The following NIBAN1 variants were observed in gnomAD, a reference collection of about 807,000 sequenced individuals.
NIBAN1 encodes protein Niban 1.
A neutral mutation model predicts 75.1 loss-of-function variants in NIBAN1; 81 were observed. The ratio of observed to expected loss-of-function variants is 1.08; its 90% CI spans 0.90 to 1.30. NIBAN1 has a LOEUF of 1.30. Ranked by LOEUF, NIBAN1 falls within the 50% of genes most tolerant of loss-of-function variation. NIBAN1 has a pLI of 0.00. For missense variants in NIBAN1, 1,133 were observed against 1,128.1 expected (o/e 1.00, Z -0.06); for synonymous variants, 436 against 424.8 (o/e 1.03, Z -0.32).
At chr1:184,928,339 T>C (rs2102028310) in intron 1 of NIBAN1, among the ~76,000 whole-genome samples, 1 of 152,208 alleles carries the variant, frequency 6.6e-6, no homozygotes, top group East Asian at 1.9e-4. Flanking sequence ...AGCACTCCCT[T>C]GGCCACCCCA....
rs575307344 is a variant in NIBAN1 at position 184,859,406 on chromosome 1, C to T, written c.601+25227G>A. Among the ~76,000 whole-genome samples, 31 of 152,238 alleles carry T rather than the reference C, an allele frequency of 2.0e-4. 1 individual carries two copies. The South Asian group carries it at 6.4e-3, about 32-fold the overall frequency. ...TGTGATCCTGGGTAAAGTGCTCAACCTCCCTGTGTCCTTATCTACCACAAT... is the reference window on the plus strand; with the variant it reads ...TGTGATCCTGGGTAAAGTGCTCAACTTCCCTGTGTCCTTATCTACCACAAT... On this transcript the variant is annotated intron_variant, in intron 5 of 13. Coordinates refer to ENST00000367511, the MANE Select transcript of NIBAN1 (RefSeq NM_052966.4).
intron 5 of NIBAN1, among the ~76,000 whole-genome samples, chr1:184,879,204 G>T (rs1656312603): frequency 6.6e-6 from 1 of 152,124 alleles, no homozygotes; most frequent in African/African-American, 2.4e-5. Context: ...TTTTATGTAT[G>T]CATTTCAACA....
intron 6 of NIBAN1, among the ~76,000 whole-genome samples, chr1:184,827,685 AAACC>A (rs899140884): frequency 6.6e-6 from 1 of 151,578 alleles, no homozygotes; most frequent in African/African-American, 2.4e-5. Context: ...AGGTTGATCA[AAACC>A]AACAAACCCG....
intron 1 of NIBAN1, among the ~76,000 whole-genome samples, chr1:184,926,547 T>C (rs919678907): frequency 1.3e-5 from 2 of 152,184 alleles, no homozygotes; most frequent in East Asian, 3.8e-4. Flanking sequence ...CTCTGTTGTA[T>C]GTTATTTGTT....
chr1:184,967,704 T>G (rs1054817227), intron 1 of NIBAN1, among the ~76,000 whole-genome samples: 5 of 152,228 alleles, frequency 3.3e-5, no homozygotes, highest in Non-Finnish European at 5.9e-5. Context: ...TTTGATGATG[T>G]GGCCCTCTTA....
chr1:184,954,310 C>T (rs1192034226), intron 1 of NIBAN1, among the ~76,000 whole-genome samples: 1 of 152,200 alleles, frequency 6.6e-6, no homozygotes, highest in Non-Finnish European at 1.5e-5. Context: ...TTTCCCTTAA[C>T]TGCTATCCAC....
intron 6 of NIBAN1, 35 bp downstream of exon 6, chr1:184,831,812 A>G (rs775084162): frequency 2.0e-6 from 3 of 1,494,892 alleles, no homozygotes; most frequent in South Asian, 2.3e-5. Flanking sequence ...ATACCCAAAC[A>G]CAGAGAGAAT....
intron 1 of NIBAN1, among the ~76,000 whole-genome samples, chr1:184,929,409 A>T (rs1657765384): frequency 6.6e-6 from 1 of 152,208 alleles, no homozygotes; most frequent in Admixed American, 6.5e-5. Context: ...TTTTATTCCT[A>T]TTCAAATGTT....
chr1:184,809,391 T>C (rs770199043), intron 9 of NIBAN1, among the ~76,000 whole-genome samples: 5 of 152,118 alleles, frequency 3.3e-5, no homozygotes, highest in Non-Finnish European at 5.9e-5. Context: ...TCCTATCAGA[T>C]TGGCAAAAGT....
At chr1:184,904,778 C>T (rs1657046991) in intron 1 of NIBAN1, among the ~76,000 whole-genome samples, 1 of 152,110 alleles carries the variant, frequency 6.6e-6, no homozygotes, top group Non-Finnish European at 1.5e-5. Context: ...TGATGAAACC[C>T]TGTCTCTACC....
intron 1 of NIBAN1, among the ~76,000 whole-genome samples, chr1:184,903,634 G>A (rs1657010168): frequency 6.6e-6 from 1 of 151,414 alleles, no homozygotes; most frequent in African/African-American, 2.4e-5. Flanking sequence ...TTTGCCTTCT[G>A]CTATGATTGT....
At chr1:184,833,940 T>C (rs899249624) in intron 5 of NIBAN1, among the ~76,000 whole-genome samples, 4 of 152,006 alleles carry the variant, frequency 2.6e-5, no homozygotes, top group Non-Finnish European at 5.9e-5. Context: ...ACATGTGCCA[T>C]GCAGGTTTGC....
intron 5 of NIBAN1, among the ~76,000 whole-genome samples, chr1:184,867,260 C>T (rs1367003010): frequency 6.6e-6 from 1 of 151,980 alleles, no homozygotes; most frequent in African/African-American, 2.4e-5. Context: ...AACGAATAGC[C>T]TTATTGCAAA....
At chr1:184,952,690 T>C (rs1658389414) in intron 1 of NIBAN1, among the ~76,000 whole-genome samples, 1 of 152,346 alleles carries the variant, frequency 6.6e-6, no homozygotes, top group South Asian at 2.1e-4. Context: ...TTGCACAAGC[T>C]TGGACTAAAC....
At chr1:184,971,104 G>A (rs1428073487) in intron 1 of NIBAN1, among the ~76,000 whole-genome samples, 1 of 150,932 alleles carries the variant, frequency 6.6e-6, no homozygotes, top group Admixed American at 6.6e-5. Context: ...TGGGCAACAT[G>A]GCAAAATCCC....
intron 1 of NIBAN1, among the ~76,000 whole-genome samples, chr1:184,942,981 G>T (rs1658134392): frequency 6.6e-6 from 1 of 152,196 alleles, no homozygotes; most frequent in African/African-American, 2.4e-5. Context: ...ATCAGTGGCG[G>T]AATGAGAGCT....
chr1:184,948,706 C>T (rs781221011), intron 1 of NIBAN1, among the ~76,000 whole-genome samples: 6 of 152,114 alleles, frequency 3.9e-5, no homozygotes, highest in Non-Finnish European at 5.9e-5. Context: ...CTTAAGATTT[C>T]GGAGACTATT....
chr1:184,960,681 T>C (rs954610202), intron 1 of NIBAN1, among the ~76,000 whole-genome samples: 10 of 151,720 alleles, frequency 6.6e-5, no homozygotes, highest in Non-Finnish European at 1.0e-4. Context: ...CAGACTGGAG[T>C]GCAGTGGCAC....
chr1:184,968,157 T>C lies in NIBAN1; in HGVS notation c.55+6145A>G, dbSNP rs1183870236. Among the ~76,000 whole-genome samples, 2 of 91,938 alleles carry C rather than the reference T, an allele frequency of 2.2e-5. 1 individual carries two copies. The highest frequency in any genetic ancestry group is 4.7e-5 in the Non-Finnish European group (2 of 42,788). 60.3% of individuals were successfully genotyped at this position (91,938 alleles called of 152,430 possible). A position where few individuals can be genotyped will look rare whatever the true frequency, so the allele number is the denominator to read the frequency against. The stretch of plus-strand genomic sequence containing the variant: ...AGCGGAGCTTGCAGTGAGCCGAGAT[T>C]GCGCCACTGCAGTCCGCAGTCCGGC... On this transcript the variant is annotated intron_variant, in intron 1 of 13. Coordinates refer to ENST00000367511, the MANE Select transcript of NIBAN1 (RefSeq NM_052966.4).
Sources: gnomAD v4.1 joint callset for allele counts (sites outside exome capture counted in the v4.1 genomes callset) on GRCh38, gnomAD v4.1.1 for gene constraint, MANE v1.5 for transcripts, NCBI Gene and HGNC (gene_info 2026-07-23, HGNC 2026-07-21) for gene names.